Variants in PAQR5 observed in about 807,000 individuals in gnomAD.
PAQR5 encodes the protein progestin and adipoQ receptor family member 5, also known as membrane progestin receptor gamma.
In PAQR5, 20 loss-of-function variants were observed where a neutral mutation model predicts 34.5. The observed-to-expected ratio is 0.58, with a 90% confidence interval of 0.41 to 0.84. The LOEUF is 0.84. PAQR5 is among the 40% of genes least tolerant of loss of function. The pLI, the probability that PAQR5 is intolerant of heterozygous loss-of-function variation, is 0.00. For synonymous variants in PAQR5, 131 were observed against 155.6 expected, an observed-to-expected ratio of 0.84 and a Z score of 1.18; for missense variants, 378 against 412.7, an observed-to-expected ratio of 0.92 and a Z score of 0.73.
intron 3 of PAQR5, among the ~76,000 whole-genome samples, chr15:69,363,483 T>A (rs1295389903): frequency 6.6e-6 from 1 of 150,678 alleles, no homozygotes; most frequent in African/African-American, 2.4e-5. Context: ...ATATGCAACA[T>A]GGCGTGACAC....
At chr15:69,379,564 C>A in intron 3 of PAQR5, 5 of 985,392 alleles carry the variant, frequency 5.1e-6, no homozygotes, top group Non-Finnish European at 4.8e-6. Flanking sequence ...AGGCCCCAGG[C>A]AGAGGGGTGA....
chr15:69,329,774 T>C (rs929927079), intron 1 of PAQR5, among the ~76,000 whole-genome samples: 2 of 152,158 alleles, frequency 1.3e-5, no homozygotes, highest in Non-Finnish European at 2.9e-5. Context: ...AATGAACCAC[T>C]GCAAACAGCC....
intron 2 of PAQR5, among the ~76,000 whole-genome samples, chr15:69,358,632 C>CTTTTTTTTTTT (rs1567019143): frequency 2.0e-3 from 13 of 6,558 alleles, no homozygotes; most frequent in South Asian, 7.5e-3. Flanking sequence ...AGCTCTGTGG[C>CTTTTTTTTTTT]ATTTTTTTTT....
chr15:69,403,706 T>G lies in PAQR5; in HGVS notation c.877T>G (p.Ser293Ala). ...LLATSKPFSF[S>A]QIAGAILLCI... ...GGCCACCTCCAAGCCCTTCTCTTTCTCTCAGATAGCTGGAGCCATACTTCT... is the reference window on the plus strand; with the variant it reads ...GGCCACCTCCAAGCCCTTCTCTTTCGCTCAGATAGCTGGAGCCATACTTCT... Residue 293 changes from serine (S) to alanine (A), a missense_variant, in exon 9 of 9, where the codon TCT becomes GCT. Physicochemically the swap from Ser to Ala is moderately conservative, Grantham distance 99. Transcript: ENST00000395407. 6.2e-7 allele frequency: 1 copy of G among 1,614,206 alleles called. No homozygotes were observed. Among genetic ancestry groups the G allele is most frequent in the Non-Finnish European group, 8.5e-7 (1 of 1,180,038 alleles).
At chr15:69,335,763 C>T (rs942514174) in intron 1 of PAQR5, among the ~76,000 whole-genome samples, 5 of 151,812 alleles carry the variant, frequency 3.3e-5, no homozygotes, top group African/African-American at 1.2e-4. Flanking sequence ...GTCTGTGTGT[C>T]CGAATAACAG....
At chr15:69,318,097 C>T (rs1480551585) in intron 1 of PAQR5, among the ~76,000 whole-genome samples, 1 of 152,214 alleles carries the variant, frequency 6.6e-6, no homozygotes, top group East Asian at 1.9e-4. Flanking sequence ...TGCGAGGACT[C>T]AGCAGTGGGC....
At chr15:69,355,956 T>C (rs755764599) in intron 2 of PAQR5, among the ~76,000 whole-genome samples, 5 of 152,138 alleles carry the variant, frequency 3.3e-5, no homozygotes, top group Non-Finnish European at 7.3e-5. Context: ...ATCCTTTCTT[T>C]CTTAAGCTAT....
intron 5 of PAQR5, among the ~76,000 whole-genome samples, chr15:69,389,003 C>G (rs2056186004): frequency 6.6e-6 from 1 of 152,258 alleles, no homozygotes; most frequent in Admixed American, 6.5e-5. Context: ...AAAAAGGTCG[C>G]TAGAAGGTCC....
intron 1 of PAQR5, among the ~76,000 whole-genome samples, chr15:69,335,010 G>T (rs916578300): frequency 2.6e-5 from 4 of 151,934 alleles, no homozygotes; most frequent in Non-Finnish European, 5.9e-5. Context: ...ATCCCTTGAG[G>T]TCAGGAATTC....
At chr15:69,342,367 C>A (rs2054666094) in intron 2 of PAQR5, among the ~76,000 whole-genome samples, 1 of 151,710 alleles carries the variant, frequency 6.6e-6, no homozygotes, top group Non-Finnish European at 1.5e-5. Flanking sequence ...AAGCCATTTG[C>A]CCATTTTTGA....
At chr15:69,390,388 G>T (rs1373886168) in intron 6 of PAQR5, among the ~76,000 whole-genome samples, 1 of 140,914 alleles carries the variant, frequency 7.1e-6, no homozygotes, top group African/African-American at 2.6e-5. Context: ...CTCTCTCTGT[G>T]GCCCAGGCTG....
chr15:69,319,178 T>TAAATATATAC (rs1258540259), intron 1 of PAQR5, among the ~76,000 whole-genome samples: 1,721 of 4,284 alleles, frequency 0.4, 92 homozygotes, highest in East Asian at 0.5. Context: ...TATATATATA[T>TAAATATATAC]ATATATATAT....
At chr15:69,330,194 A>T (rs2054348006) in intron 1 of PAQR5, among the ~76,000 whole-genome samples, 1 of 152,198 alleles carries the variant, frequency 6.6e-6, no homozygotes, top group South Asian at 2.1e-4. Flanking sequence ...AGGGAATGTT[A>T]GTGAAACCAC....
At chr15:69,380,787 A>G (rs2055862852) in intron 4 of PAQR5, among the ~76,000 whole-genome samples, 1 of 152,194 alleles carries the variant, frequency 6.6e-6, no homozygotes, top group African/African-American at 2.4e-5. Flanking sequence ...TCAGACCACC[A>G]CTGGTCGATG....
chr15:69,341,646 G>A (rs1050824534), intron 2 of PAQR5, among the ~76,000 whole-genome samples: 2 of 152,046 alleles, frequency 1.3e-5, no homozygotes, highest in Admixed American at 1.3e-4. Flanking sequence ...ATGCTGCTAT[G>A]AAAATTGGTT....
At chr15:69,338,617 T>C (rs2140715015) in intron 2 of PAQR5, among the ~76,000 whole-genome samples, 1 of 152,342 alleles carries the variant, frequency 6.6e-6, no homozygotes, top group South Asian at 2.1e-4. Flanking sequence ...GCCAGAGCGA[T>C]TGACAGCCTT....
chr15:69,337,221 A>G (rs1448536613), intron 1 of PAQR5, 120 bp from the exon 2 acceptor site: 4 of 152,246 alleles, frequency 2.6e-5, no homozygotes, highest in Non-Finnish European at 5.9e-5. Flanking sequence ...ATTTTGGAGC[A>G]TATTTGTTTC....
At chr15:69,384,112 A>T (rs2056022735) in intron 4 of PAQR5, among the ~76,000 whole-genome samples, 2 of 116,670 alleles carry the variant, frequency 1.7e-5, no homozygotes, top group African/African-American at 6.9e-5. Context: ...GTGGAGGGTG[A>T]GTGGGCCTCT....
intron 2 of PAQR5, among the ~76,000 whole-genome samples, chr15:69,358,632 C>CTTTTTT (rs1567019143): frequency 4.6e-4 from 3 of 6,564 alleles, no homozygotes; most frequent in African/African-American, 1.0e-3. Context: ...AGCTCTGTGG[C>CTTTTTT]ATTTTTTTTT....
Sources: gnomAD v4.1 joint callset for allele counts (sites outside exome capture counted in the v4.1 genomes callset) on GRCh38, gnomAD v4.1.1 for gene constraint, MANE v1.5 for transcripts, NCBI Gene and HGNC (gene_info 2026-07-23, HGNC 2026-07-21) for gene names.